Variants in NEXMIF observed in about 807,000 individuals in gnomAD.
NEXMIF encodes the protein XLMR protein related to neurite extension.
In NEXMIF, 8 loss-of-function variants were observed where a neutral mutation model predicts 62.1. The ratio of observed to expected loss-of-function variants is 0.13; its 90% CI spans 0.08 to 0.23. NEXMIF has a LOEUF of 0.23. Among genes scored for constraint, NEXMIF ranks in the 10% least tolerant of loss-of-function variants. The pLI, the probability that NEXMIF is intolerant of heterozygous loss-of-function variation, is 1.00. For missense variants in NEXMIF, 976 were observed against 1,113.3 expected (o/e 0.88, Z 1.75); for synonymous variants, 404 against 416.6 (o/e 0.97, Z 0.37).
chrX:74,812,243 A>G (rs1410566898), intron 1 of NEXMIF, among the ~76,000 whole-genome samples: 4 of 112,323 alleles, frequency 3.6e-5, no homozygotes, highest in Non-Finnish European at 7.5e-5. Flanking sequence ...CATTTGGTAC[A>G]CACAATTTAT....
At chrX:74,755,801 C>G (rs1048681781) in intron 1 of NEXMIF, among the ~76,000 whole-genome samples, 8 of 112,261 alleles carry the variant, frequency 7.1e-5, no homozygotes, top group Non-Finnish European at 1.3e-4. Context: ...GACCTTTTCA[C>G]AGCCAGAAGA....
At chrX:74,806,167 A>G (rs1435421173) in intron 1 of NEXMIF, among the ~76,000 whole-genome samples, 1 of 111,735 alleles carries the variant, frequency 8.9e-6, no homozygotes, top group Non-Finnish European at 1.9e-5. Context: ...AACTCAAATG[A>G]AGTTCAACTT....
At chrX:74,747,917 T>A (rs959576499) in intron 1 of NEXMIF, among the ~76,000 whole-genome samples, 3 of 112,297 alleles carry the variant, frequency 2.7e-5, no homozygotes, top group African/African-American at 9.7e-5. Context: ...GTCTAGCCAA[T>A]TATCCAGTCT....
intron 1 of NEXMIF, among the ~76,000 whole-genome samples, chrX:74,911,336 C>T (rs914282281): frequency 9.0e-6 from 1 of 111,570 alleles, no homozygotes; most frequent in East Asian, 2.8e-4. Flanking sequence ...AGGAGAATCA[C>T]TTGAACCCGG....
At chrX:74,884,598 A>C (rs747818536) in intron 1 of NEXMIF, among the ~76,000 whole-genome samples, 1 of 112,278 alleles carries the variant, frequency 8.9e-6, no homozygotes, top group South Asian at 3.7e-4. Flanking sequence ...AGAACTAACT[A>C]TCCTAAATAT....
intron 1 of NEXMIF, among the ~76,000 whole-genome samples, chrX:74,896,583 C>T (rs1272832484): frequency 9.0e-6 from 1 of 111,642 alleles, no homozygotes; most frequent in Admixed American, 9.6e-5. Context: ...TCTTTTCTCT[C>T]CTGCTCAGTT....
intron 1 of NEXMIF, among the ~76,000 whole-genome samples, chrX:74,841,885 CTG>C (rs1422681812): frequency 9.0e-6 from 1 of 111,325 alleles, no homozygotes; most frequent in Non-Finnish European, 1.9e-5. Flanking sequence ...GTTTGCAAGT[CTG>C]TTGTTGAGAA....
intron 1 of NEXMIF, among the ~76,000 whole-genome samples, chrX:74,767,231 G>A (rs2080197530): frequency 8.9e-6 from 1 of 112,398 alleles, no homozygotes; most frequent in South Asian, 3.7e-4. Context: ...TAGGATTGAG[G>A]ACCCATATAA....
At chrX:74,889,290 G>C (rs1232697128) in intron 1 of NEXMIF, among the ~76,000 whole-genome samples, 1 of 110,846 alleles carries the variant, frequency 9.0e-6, no homozygotes, top group African/African-American at 3.3e-5. Context: ...TGAACACCAA[G>C]TACCGATATT....
intron 1 of NEXMIF, among the ~76,000 whole-genome samples, chrX:74,823,697 CAGATAGAT>C (rs60606226): frequency 0.031 from 3,148 of 101,669 alleles, 65 homozygotes; most frequent in African/African-American, 0.067. Context: ...CAGAGAAAGA[CAGATAGAT>C]AGATAGATAG....
intron 1 of NEXMIF, among the ~76,000 whole-genome samples, chrX:74,910,404 C>A (rs991557852): frequency 8.9e-6 from 1 of 111,971 alleles, no homozygotes; most frequent in African/African-American, 3.2e-5. Context: ...TTTGTTTTGG[C>A]CAATTTCTCC....
At chrX:74,905,639 G>A (rs769458490) in intron 1 of NEXMIF, among the ~76,000 whole-genome samples, 53 of 110,883 alleles carry the variant, frequency 4.8e-4, no homozygotes, top group African/African-American at 1.1e-3. Context: ...GTAGAACCCC[G>A]TCTCTGCTAA....
intron 1 of NEXMIF, among the ~76,000 whole-genome samples, chrX:74,830,884 T>C (rs780688601): frequency 1.8e-5 from 2 of 112,160 alleles, no homozygotes; most frequent in Non-Finnish European, 3.8e-5. Context: ...ATGCTACTGA[T>C]TTTTGTATGT....
intron 1 of NEXMIF, among the ~76,000 whole-genome samples, chrX:74,763,288 A>G (rs1259636001): frequency 9.1e-6 from 1 of 110,447 alleles, no homozygotes; most frequent in Admixed American, 9.6e-5. Context: ...GATGTGTGGT[A>G]TTATTTCTGA....
intron 1 of NEXMIF, among the ~76,000 whole-genome samples, chrX:74,817,697 T>C (rs1386381978): frequency 9.0e-6 from 1 of 111,522 alleles, no homozygotes; most frequent in Non-Finnish European, 1.9e-5. Flanking sequence ...ATAAAGGCAG[T>C]AATCATGCCA....
Position 74,920,749 on chromosome X carries a change from T to C in NEXMIF, c.-48+4134A>G, listed in dbSNP as rs189207081. ...TGCCTAGGTTTTCTTCTAGGGTTTT[T>C]ATGGTTTTAGGTCTAACGTTTAAGT... On this transcript the variant is annotated intron_variant, in intron 1 of 3. Coordinates refer to ENST00000055682, the MANE Select transcript of NEXMIF (RefSeq NM_001008537.3). Among the ~76,000 whole-genome samples, 115 of 112,073 alleles carry C rather than the reference T, an allele frequency of 1.0e-3. 1 individual carries two copies. The highest frequency in any genetic ancestry group is 3.6e-3 in the African/African-American group (110 of 30,839).
chrX:74,885,533 A>C (rs1345929959), intron 1 of NEXMIF, among the ~76,000 whole-genome samples: 1 of 111,924 alleles, frequency 8.9e-6, no homozygotes. Context: ...ACGCAAATAA[A>C]CTAGAAAATC....
At position 74,855,581 on chromosome X, in the gene NEXMIF, C is replaced by T. The variant is rs188389077; in HGVS notation, c.-48+69302G>A. On this transcript the variant is annotated intron_variant, in intron 1 of 3. Coordinates refer to ENST00000055682, the MANE Select transcript of NEXMIF (RefSeq NM_001008537.3). ...TCCATGGCCACATGCATGTGTAGGG[C>T]TGTGTTGTTGCTCGAGGCTGGGTGC... Among the ~76,000 whole-genome samples, 30 of 111,964 alleles carry T rather than the reference C, an allele frequency of 2.7e-4. No homozygotes were observed. The East Asian group carries it at 8.4e-3, about 32-fold the overall frequency.
At chrX:74,879,168 C>T (rs1434937356) in intron 1 of NEXMIF, among the ~76,000 whole-genome samples, 1 of 112,325 alleles carries the variant, frequency 8.9e-6, no homozygotes, top group African/African-American at 3.2e-5. Context: ...TAGGCTAAAT[C>T]ATCTACGTTT....
Sources: gnomAD v4.1 joint callset for allele counts (sites outside exome capture counted in the v4.1 genomes callset) on GRCh38, gnomAD v4.1.1 for gene constraint, MANE v1.5 for transcripts, NCBI Gene and HGNC (gene_info 2026-07-23, HGNC 2026-07-21) for gene names.